CYP4Z1: variants seen among roughly 807,000 people sequenced by gnomAD.
The protein encoded by CYP4Z1 is cytochrome P450 family 4 subfamily Z member 1.
A neutral mutation model predicts 54.2 loss-of-function variants in CYP4Z1; 41 were observed. The ratio of observed to expected loss-of-function variants is 0.76; its 90% CI spans 0.59 to 0.98. The LOEUF (loss-of-function observed/expected upper bound fraction) is 0.98, where lower values mean the gene tolerates loss of function less well. Among genes scored for constraint, CYP4Z1 ranks in the 50% least tolerant of loss-of-function variants. The pLI is 0.00. For synonymous variants in CYP4Z1, 163 were observed against 206.2 expected (o/e 0.79, Z 1.79); for missense variants, 513 against 599.0 (o/e 0.86, Z 1.50).
the CYP4Z1 span, among the ~76,000 whole-genome samples, chr1:47,061,412 A>G: frequency 6.6e-6 from 1 of 152,224 alleles, no homozygotes; most frequent in Non-Finnish European, 1.5e-5. Flanking sequence ...ACCTCTATGC[A>G]CACAAACTAG....
chr1:47,058,080 A>C, the CYP4Z1 span, among the ~76,000 whole-genome samples: 6 of 152,070 alleles, frequency 3.9e-5, no homozygotes, highest in Non-Finnish European at 8.8e-5. Flanking sequence ...TTCTGAATCA[A>C]ATTAACTTAC....
chr1:47,057,335 A>AAAAAAAAAAAAAAAATATAT, the CYP4Z1 span, among the ~76,000 whole-genome samples: 15 of 28,466 alleles, frequency 5.3e-4, no homozygotes, highest in Non-Finnish European at 1.1e-3. Context: ...AAGAAAAAAA[A>AAAAAAAAAAAAAAAATATAT]ATATATATAT....
intron 7 of CYP4Z1, among the ~76,000 whole-genome samples, 158 bp from the exon 8 acceptor site, chr1:47,098,936 T>TA (rs1644699803): frequency 6.6e-6 from 1 of 152,216 alleles, no homozygotes; most frequent in African/African-American, 2.4e-5. Context: ...GGTGTTCTGT[T>TA]AAGGTTTGAA....
chr1:47,092,571 T>C (rs1415318724), intron 6 of CYP4Z1, among the ~76,000 whole-genome samples: 1 of 151,898 alleles, frequency 6.6e-6, no homozygotes, highest in East Asian at 1.9e-4. Context: ...TCCTTTTCCA[T>C]TTATCTTCTG....
At chr1:47,101,152 A>G (rs537016551) in intron 8 of CYP4Z1, among the ~76,000 whole-genome samples, 1 of 151,822 alleles carries the variant, frequency 6.6e-6, no homozygotes, top group East Asian at 1.9e-4. Flanking sequence ...TTTTCTCTTC[A>G]TTAGTCTAAC....
At chr1:47,066,783 C>T (rs1644453586), upstream of CYP4Z1, among the ~76,000 whole-genome samples, 1 of 151,994 alleles carries the variant, frequency 6.6e-6, no homozygotes, top group Non-Finnish European at 1.5e-5. Context: ...ATCCAAAAAG[C>T]TCCTACAGGA....
At chr1:47,060,383 G>C in the CYP4Z1 span, among the ~76,000 whole-genome samples, 1 of 152,046 alleles carries the variant, frequency 6.6e-6, no homozygotes, top group Non-Finnish European at 1.5e-5. Context: ...CGAGCAAATG[G>C]ACATTAAAAT....
At chr1:47,087,321 C>A (rs1354322456) in intron 6 of CYP4Z1, among the ~76,000 whole-genome samples, 1 of 152,094 alleles carries the variant, frequency 6.6e-6, no homozygotes, top group African/African-American at 2.4e-5. Flanking sequence ...TTCTTCCTAC[C>A]CATGAGCATG....
upstream of CYP4Z1, among the ~76,000 whole-genome samples, chr1:47,065,189 G>T (rs1008905239): frequency 2.0e-5 from 3 of 152,084 alleles, no homozygotes; most frequent in Non-Finnish European, 4.4e-5. Context: ...GGACTTAACA[G>T]ATATTAACGA....
intron 2 of CYP4Z1, among the ~76,000 whole-genome samples, chr1:47,077,395 T>C (rs1396124790): frequency 6.6e-6 from 1 of 152,164 alleles, no homozygotes; most frequent in Non-Finnish European, 1.5e-5. Flanking sequence ...AGCTCTCTTT[T>C]CCTTACTGTT....
At chr1:47,087,615 A>T (rs1205393246) in intron 6 of CYP4Z1, among the ~76,000 whole-genome samples, 1 of 152,180 alleles carries the variant, frequency 6.6e-6, no homozygotes, top group African/African-American at 2.4e-5. Context: ...GGGGTTTTCT[A>T]AATATACAAT....
Position 47,099,188 on chromosome 1 carries a change from C to T in CYP4Z1, c.971C>T (p.Ser324Phe), listed in dbSNP as rs759228438. The T allele has an allele frequency of 4.3e-6, 7 of 1,613,860 alleles. No individual in the cohort carries two copies. The South Asian group carries it at 7.7e-5, about 18-fold the overall frequency. Residue 324 changes from serine (S) to phenylalanine (F), a missense_variant, in exon 8 of 12, where the codon TCC becomes TTC. By Grantham distance (155) the Ser-to-Phe change is radical. Transcript: ENST00000334194. Reference protein sequence around the residue: ...AGHDTTSSAISWILYCLAKYP... With the variant: ...AGHDTTSSAIFWILYCLAKYP... ...CATGACACCACATCCAGTGCTATCT[C>T]CTGGATCCTTTACTGCTTGGCAAAG...
At chr1:47,102,224 G>A (rs767313496) in intron 8 of CYP4Z1, among the ~76,000 whole-genome samples, 1 of 152,108 alleles carries the variant, frequency 6.6e-6, no homozygotes, top group Non-Finnish European at 1.5e-5. Flanking sequence ...TACCTTTTAA[G>A]TGGAAATTTT....
intron 4 of CYP4Z1, among the ~76,000 whole-genome samples, chr1:47,082,693 ATGAG>A (rs1194059149): frequency 1.3e-5 from 2 of 151,834 alleles, no homozygotes; most frequent in Admixed American, 6.6e-5. Context: ...AGCTGAATGA[ATGAG>A]TGAGTGAGTC....
intron 6 of CYP4Z1, among the ~76,000 whole-genome samples, chr1:47,094,028 G>A (rs1644658471): frequency 6.6e-6 from 1 of 152,106 alleles, no homozygotes; most frequent in Admixed American, 6.5e-5. Context: ...GATTGCTGTG[G>A]CTAGCATTCC....
chr1:47,117,599 A>C (rs1204184232), intron 11 of CYP4Z1, among the ~76,000 whole-genome samples, 167 bp from the exon 12 acceptor site: 2 of 152,136 alleles, frequency 1.3e-5, no homozygotes, highest in Non-Finnish European at 2.9e-5. Flanking sequence ...AAAAATACAA[A>C]AATATTAGCT....
intron 7 of CYP4Z1, among the ~76,000 whole-genome samples, chr1:47,098,056 A>G (rs1644691252): frequency 6.6e-6 from 1 of 151,798 alleles, no homozygotes; most frequent in Admixed American, 6.6e-5. Context: ...AACTCAAGTG[A>G]TCCTCCCAAC....
At chr1:47,089,176 A>T (rs2148532425) in intron 6 of CYP4Z1, among the ~76,000 whole-genome samples, 1 of 151,960 alleles carries the variant, frequency 6.6e-6, no homozygotes, top group East Asian at 1.9e-4. Context: ...GTATGCTAGA[A>T]ATTACAACAT....
intron 4 of CYP4Z1, among the ~76,000 whole-genome samples, chr1:47,084,368 C>A (rs533598818): frequency 7.9e-5 from 12 of 151,378 alleles, no homozygotes; most frequent in Admixed American, 5.9e-4. Flanking sequence ...ATAAATTGTA[C>A]TAATGAAACT....
Sources: gnomAD v4.1 joint callset for allele counts (sites outside exome capture counted in the v4.1 genomes callset) on GRCh38, gnomAD v4.1.1 for gene constraint, MANE v1.5 for transcripts, NCBI Gene and HGNC (gene_info 2026-07-23, HGNC 2026-07-21) for gene names.